NCOR1: variants seen among roughly 807,000 people sequenced by gnomAD.
The protein encoded by NCOR1 is nuclear receptor corepressor 1.
NCOR1 carries 63 observed loss-of-function variants against 288.1 expected under a neutral mutation model. The observed-to-expected ratio is 0.22, with a 90% CI of 0.18 to 0.27. The LOEUF is 0.27. Ranked by LOEUF, NCOR1 falls within the 10% of genes least tolerant of loss-of-function variation. The pLI is 1.00. For missense variants in NCOR1, 2,397 were observed against 3,019.2 expected (o/e 0.79, Z 4.83); for synonymous variants, 1,007 against 1,065.9 (o/e 0.94, Z 1.08).
In NCOR1 at chr17:16,101,343, A is replaced by G. The variant is rs528790312; in HGVS notation, c.2597T>C (p.Ile866Thr). Residue 866 changes from isoleucine to threonine, a missense_variant, in exon 20 of 46, where the codon ATA becomes ACA. By Grantham distance (89) the Ile-to-Thr change is moderately conservative. Around this residue, in one of 11 missense-constraint regions of NCOR1, gnomAD observed 1,872 missense variants for 2,187.8 expected, o/e 0.86. Transcript: ENST00000268712. The stretch of plus-strand genomic sequence containing the variant: ...CTGGGGCTCGGGCCTTTGGGCATTT[A>G]TTTGCTGAGCTACCACCAAATCTTC... ...RDEDLVVAQQINAQRPEPQSD... is the reference protein window; with the variant it reads ...RDEDLVVAQQTNAQRPEPQSD... 6 of 1,614,066 alleles carry G rather than the reference A, an allele frequency of 3.7e-6. No homozygotes were observed. The highest frequency in any genetic ancestry group is 2.7e-5 in the African/African-American group (2 of 75,002).
rs201642948 is a variant in NCOR1 at position 16,064,040 on chromosome 17, G to A, written c.5221+28C>T. ...ACAAGATTACTAAGATGTGTCCAGA[G>A]AATGGAAGAGCAGTGCCTTTCACTG... On this transcript the variant is annotated intron_variant, in intron 35 of 45. Coordinates refer to ENST00000268712, the MANE Select transcript of NCOR1 (RefSeq NM_006311.4). The A allele has an allele frequency of 1.9e-6, 3 of 1,612,684 alleles. No individual in the cohort carries two copies. The East Asian group carries it at 6.7e-5, about 36-fold the overall frequency.
chr17:16,170,272 C>T (rs1304299422), intron 4 of NCOR1, among the ~76,000 whole-genome samples: 1 of 151,234 alleles, frequency 6.6e-6, no homozygotes, highest in Non-Finnish European at 1.5e-5. Flanking sequence ...GAAGAAAGGG[C>T]AATTAGGCAT....
At position 16,186,186 on chromosome 17, in the gene NCOR1, G is replaced by A. The variant is rs113815723; in HGVS notation, c.242+368C>T. Among the ~76,000 whole-genome samples, 994 of 152,202 alleles carry A rather than the reference G, an allele frequency of 6.5e-3. 14 individuals carry two copies. Among genetic ancestry groups the A allele is most frequent in the African/African-American group, 0.023 (959 of 41,518 alleles). On this transcript the variant is annotated intron_variant, in intron 3 of 45. Coordinates refer to ENST00000268712, the MANE Select transcript of NCOR1 (RefSeq NM_006311.4). ...ACCCTAGCTGCAAATCAGAATTACC[G>A]GAAAAACTTCGGCGATAAAATAAAG...
chr17:16,041,838 G>A (rs1333064664), intron 42 of NCOR1, among the ~76,000 whole-genome samples: 2 of 152,048 alleles, frequency 1.3e-5, no homozygotes, highest in East Asian at 1.9e-4. Flanking sequence ...CCAGGTTCAC[G>A]CCACTCTCCT....
intron 40 of NCOR1, among the ~76,000 whole-genome samples, chr17:16,051,718 T>C (rs1481021192): frequency 2.0e-5 from 3 of 151,752 alleles, no homozygotes; most frequent in Non-Finnish European, 4.4e-5. Context: ...TTGAGACCAG[T>C]CTGACCAACG....
At chr17:16,213,419 G>C (rs1020784709) in intron 1 of NCOR1, among the ~76,000 whole-genome samples, 3 of 150,512 alleles carry the variant, frequency 2.0e-5, no homozygotes, top group Non-Finnish European at 3.0e-5. Context: ...CTTGAACCCG[G>C]AGGCGGAGGT....
At chr17:16,088,018 C>A (rs1176729092) in intron 22 of NCOR1, among the ~76,000 whole-genome samples, 1 of 151,932 alleles carries the variant, frequency 6.6e-6, no homozygotes, top group Non-Finnish European at 1.5e-5. Context: ...TTTTGAAAAT[C>A]AAAAAAGCAC....
intron 45 of NCOR1, among the ~76,000 whole-genome samples, chr17:16,034,312 G>C (rs996896072): frequency 6.6e-6 from 1 of 152,050 alleles, no homozygotes; most frequent in Non-Finnish European, 1.5e-5. Flanking sequence ...TTCTATTCTG[G>C]GTGTGTGCAT....
At chr17:16,071,283 A>G in intron 30 of NCOR1, 126 bp downstream of exon 30, 1 of 1,362,884 alleles carries the variant, frequency 7.3e-7, no homozygotes, top group Non-Finnish European at 1.0e-6. Context: ...AAAAAGGTAC[A>G]GGAAACTTTC....
Position 16,080,478 on chromosome 17 carries a change from A to G in NCOR1, c.3330T>C (p.Phe1110=). The change falls in exon 25 of 46, where the codon TTT becomes TTC. Residue 1110 remains phenylalanine, a synonymous_variant. Coordinates refer to ENST00000268712, the MANE Select transcript of NCOR1 (RefSeq NM_006311.4). ...GTTGTGAGTTTTGGCTTCGGGGAGA[A>G]AATTCTTCCTGCTTGATGTAGGGCA... ...ATLPYIKQEE[F]SPRSQNSQPE... is the part of the protein sequence containing the mutation. The G allele has an allele frequency of 1.2e-6, 2 of 1,614,198 alleles. No homozygotes were observed. The highest frequency in any genetic ancestry group is 2.2e-5 in the South Asian group (2 of 91,082).
At chr17:16,099,635 C>T (rs549899177) in intron 20 of NCOR1, among the ~76,000 whole-genome samples, 1 of 152,264 alleles carries the variant, frequency 6.6e-6, no homozygotes, top group South Asian at 2.1e-4. Flanking sequence ...CCAAAACCAA[C>T]AGTGCAAAAC....
chr17:16,040,410 G>C, intron 43 of NCOR1, 31 bp downstream of exon 43: 1 of 1,602,782 alleles, frequency 6.2e-7, no homozygotes, highest in Non-Finnish European at 8.5e-7. Context: ...TGCCAATTTT[G>C]TATTGGTAAA....
intron 3 of NCOR1, among the ~76,000 whole-genome samples, chr17:16,175,144 A>C (rs964727965): frequency 1.3e-5 from 2 of 152,134 alleles, no homozygotes; most frequent in South Asian, 4.1e-4. Context: ...GAGTAAGTGC[A>C]TCACTTGAGG....
intron 20 of NCOR1, 35 bp from the exon 21 acceptor site, chr17:16,098,531 A>C (rs2152976435): frequency 6.3e-7 from 1 of 1,577,458 alleles, no homozygotes; most frequent in Non-Finnish European, 8.7e-7. Flanking sequence ...ATAAATGAAT[A>C]CATTTTTAAG....
Position 16,194,507 on chromosome 17 carries a change from A to T in NCOR1, c.63T>A (p.Pro21=). ...GAFSTEQSRY[P]PHSVQYTFPN... ...GAAATGTATACTGGACAGAGTGAGGAGGATAACGACTTTGTTCTGTGCTGA... is the reference window on the plus strand; with the variant it reads ...GAAATGTATACTGGACAGAGTGAGGTGGATAACGACTTTGTTCTGTGCTGA... The change falls in exon 2 of 46, where the codon CCT becomes CCA. Residue 21 remains proline, a synonymous_variant. Transcript: ENST00000268712. 6.2e-7 allele frequency: 1 copy of T among 1,611,602 alleles called. No individual in the cohort carries two copies. Among genetic ancestry groups the T allele is most frequent in the Non-Finnish European group, 8.5e-7 (1 of 1,178,830 alleles).
chr17:16,193,525 G>A (rs1340433953), intron 2 of NCOR1, among the ~76,000 whole-genome samples: 3 of 152,136 alleles, frequency 2.0e-5, no homozygotes, highest in East Asian at 3.9e-4. Flanking sequence ...GAGCCACCGC[G>A]CCCGGCCTGA....
intron 26 of NCOR1, among the ~76,000 whole-genome samples, chr17:16,076,502 G>C (rs2062475059): frequency 6.6e-6 from 1 of 152,222 alleles, no homozygotes; most frequent in Non-Finnish European, 1.5e-5. Flanking sequence ...AACTACACGA[G>C]AAGTTGCCAA....
chr17:16,057,492 T>C, intron 40 of NCOR1, 22 bp downstream of exon 40: 4 of 1,599,134 alleles, frequency 2.5e-6, no homozygotes, highest in Non-Finnish European at 3.4e-6. Flanking sequence ...AATTTATATA[T>C]AATTTGGAAT....
intron 1 of NCOR1, among the ~76,000 whole-genome samples, chr17:16,195,444 C>T (rs1259693700): frequency 1.3e-5 from 2 of 151,524 alleles, no homozygotes; most frequent in Non-Finnish European, 1.5e-5. Context: ...GCACGCCAGC[C>T]GGGGCAACAG....
Sources: allele counts gnomAD v4.1 joint callset (sites outside exome capture counted in the v4.1 genomes callset), GRCh38; gene constraint gnomAD v4.1.1; regional missense constraint gnomAD v4.1.1; transcripts MANE v1.5; gene names NCBI Gene and HGNC (gene_info 2026-07-23, HGNC 2026-07-21).